Variants in PDE10A observed in about 807,000 individuals in gnomAD.
The protein encoded by PDE10A is phosphodiesterase 10A.
In PDE10A, 39 loss-of-function variants were observed where a neutral mutation model predicts 97.7. The observed-to-expected ratio is 0.40, with a 90% CI of 0.31 to 0.52. The LOEUF (loss-of-function observed/expected upper bound fraction) is 0.52, where lower values mean the gene tolerates loss of function less well. PDE10A is among the 20% of genes least tolerant of loss of function. The pLI, the probability that PDE10A is intolerant of heterozygous loss-of-function variation, is 0.56. For missense variants in PDE10A, 731 were observed against 1,047.8 expected (o/e 0.70, Z 4.17); for synonymous variants, 371 against 376.8 (o/e 0.98, Z 0.18).
chr6:165,861,738 C>T (rs530648054), intron 1 of PDE10A, among the ~76,000 whole-genome samples: 6 of 151,966 alleles, frequency 3.9e-5, no homozygotes, highest in East Asian at 3.9e-4. Context: ...CGAGGGGCTG[C>T]GAGAAGTTAG....
rs368282198 is a variant in PDE10A at position 165,471,467 on chromosome 6, C to T, written c.1023+10848G>A. On this transcript the variant is annotated intron_variant, in intron 3 of 21. Transcript: ENST00000539869. ...TACCTAAACTCCAGTCTCATATATA[C>T]AACTTACTACTTAACATCTCCCATT... Among the ~76,000 whole-genome samples, 3 of 152,208 alleles carry T rather than the reference C, an allele frequency of 2.0e-5. No individual in the cohort carries two copies. The South Asian group carries it at 6.2e-4, about 32-fold the overall frequency.
At chr6:165,629,217 G>A (rs9459464) in intron 1 of PDE10A, among the ~76,000 whole-genome samples, 77,505 of 151,982 alleles carry the variant, frequency 0.51, 21,548 homozygotes, top group East Asian at 0.73. Context: ...AGCTCAGAGG[G>A]ATAGGACCAA....
At chr6:165,339,417 G>T in intron 19 of PDE10A, 59 bp from the exon 20 acceptor site, 4 of 1,001,742 alleles carry the variant, frequency 4.0e-6, no homozygotes, top group Non-Finnish European at 4.8e-6. Context: ...ATACTATTTT[G>T]ATATTATTGA....
intron 1 of PDE10A, among the ~76,000 whole-genome samples, chr6:165,942,543 A>G (rs937111464): frequency 4.0e-5 from 6 of 151,884 alleles, no homozygotes; most frequent in African/African-American, 1.5e-4. Context: ...GGGCCCTGCC[A>G]TGTGTGCTTG....
At chr6:165,471,365 T>C (rs1778995310) in intron 3 of PDE10A, among the ~76,000 whole-genome samples, 1 of 152,162 alleles carries the variant, frequency 6.6e-6, no homozygotes, top group Non-Finnish European at 1.5e-5. Context: ...TGACTCTAGC[T>C]ACTATCTGTA....
intron 1 of PDE10A, among the ~76,000 whole-genome samples, chr6:165,544,399 C>T (rs1452865156): frequency 6.6e-6 from 1 of 152,098 alleles, no homozygotes; most frequent in African/African-American, 2.4e-5. Flanking sequence ...TCATATCTCA[C>T]ATATAAAGTA....
intron 1 of PDE10A, among the ~76,000 whole-genome samples, chr6:165,599,965 G>A (rs1004257917): frequency 6.6e-6 from 1 of 152,144 alleles, no homozygotes; most frequent in Non-Finnish European, 1.5e-5. Context: ...TCAGGCCTAG[G>A]ATTGGCCAAC....
rs536505755 is a variant in PDE10A, at chr6:165,646,905, T to C, written c.865+15042A>G. The stretch of plus-strand genomic sequence containing the variant: ...TATATCGTAACATATAAAAGTGTAA[T>C]TCCTCAAATTATTTGCAGAATTTTT... On this transcript the variant is annotated intron_variant, in intron 1 of 21. Transcript: ENST00000539869. Among the ~76,000 whole-genome samples the C allele has an allele frequency of 2.0e-5, 3 of 152,344 alleles. No individual in the cohort carries two copies. In the South Asian group the frequency reaches 6.2e-4, roughly 32 times the overall value.
intron 1 of PDE10A, among the ~76,000 whole-genome samples, chr6:165,607,009 G>A (rs968958548): frequency 6.6e-6 from 1 of 152,112 alleles, no homozygotes; most frequent in Non-Finnish European, 1.5e-5. Flanking sequence ...TTATTCTGTT[G>A]TTACCTTGTC....
intron 2 of PDE10A, among the ~76,000 whole-genome samples, chr6:165,488,530 C>T (rs925603389): frequency 6.6e-6 from 1 of 152,150 alleles, no homozygotes; most frequent in Admixed American, 6.5e-5. Flanking sequence ...CTGTGTAAAG[C>T]CACATCGTGA....
At position 165,579,963 on chromosome 6, in the gene PDE10A, C is replaced by T. The variant is rs144710700; in HGVS notation, c.866-36395G>A. On this transcript the variant is annotated intron_variant, in intron 1 of 21. Transcript: ENST00000539869. ...TAATATTGTTGTCTCCCAGCCCCTA[C>T]TAGCCCAACTCCTGACCCTCCTCAC... 5.6e-4 allele frequency among the ~76,000 whole-genome samples: 86 copies of T among 152,320 alleles called. 1 individual carries two copies. The highest frequency in any genetic ancestry group is 1.9e-3 in the African/African-American group (80 of 41,572).
At chr6:165,772,507 C>G (rs1778041271) in intron 1 of PDE10A, among the ~76,000 whole-genome samples, 3 of 152,162 alleles carry the variant, frequency 2.0e-5, no homozygotes, top group Admixed American at 2.0e-4. Context: ...CTCCTGTGTC[C>G]AGGGCCCGCG....
At chr6:165,801,186 G>A (rs1157047363) in intron 1 of PDE10A, among the ~76,000 whole-genome samples, 1 of 152,210 alleles carries the variant, frequency 6.6e-6, no homozygotes, top group East Asian at 1.9e-4. Flanking sequence ...TCATTGTCAT[G>A]AACAGCATTG....
At chr6:165,859,471 AT>A (rs1368324724) in intron 1 of PDE10A, among the ~76,000 whole-genome samples, 1 of 152,054 alleles carries the variant, frequency 6.6e-6, no homozygotes, top group South Asian at 2.1e-4. Flanking sequence ...TTATTTATTT[AT>A]TTTTTACATT....
At chr6:165,935,455 A>C (rs1028562897) in intron 1 of PDE10A, among the ~76,000 whole-genome samples, 1 of 152,258 alleles carries the variant, frequency 6.6e-6, no homozygotes, top group Non-Finnish European at 1.5e-5. Flanking sequence ...GACAGGATCA[A>C]ATCTGAATTC....
intron 1 of PDE10A, among the ~76,000 whole-genome samples, chr6:165,933,244 A>G (rs977859621): frequency 6.6e-6 from 1 of 152,272 alleles, no homozygotes; most frequent in Non-Finnish European, 1.5e-5. Context: ...CCAGGCAAGG[A>G]GGAGAAGGTG....
intron 2 of PDE10A, among the ~76,000 whole-genome samples, chr6:165,537,600 C>T (rs1180823337): frequency 6.6e-6 from 1 of 151,660 alleles, no homozygotes; most frequent in African/African-American, 2.4e-5. Context: ...ACCAAAGATC[C>T]ATCTTTATGA....
chr6:165,690,997 C>G (rs745347880), intron 1 of PDE10A, among the ~76,000 whole-genome samples: 3 of 151,778 alleles, frequency 2.0e-5, no homozygotes, highest in Non-Finnish European at 4.4e-5. Context: ...CTTTCCAGCT[C>G]ACTGACTGCA....
At chr6:165,941,378 TC>T (rs1177098914) in intron 1 of PDE10A, among the ~76,000 whole-genome samples, 1 of 152,188 alleles carries the variant, frequency 6.6e-6, no homozygotes, top group African/African-American at 2.4e-5. Flanking sequence ...AGAGACTCCC[TC>T]CATGAGCTCT....
Sources: allele counts gnomAD v4.1 joint callset (sites outside exome capture counted in the v4.1 genomes callset), GRCh38; gene constraint gnomAD v4.1.1; transcripts MANE v1.5; gene names NCBI Gene and HGNC (gene_info 2026-07-23, HGNC 2026-07-21).